The following METTL22 variants were observed in gnomAD, a reference collection of about 807,000 sequenced individuals.
METTL22 encodes the protein methyltransferase-like protein 22.
Under a neutral mutation model 48.4 loss-of-function variants are expected in METTL22, and 51 were observed. That is an observed-to-expected ratio of 1.05 (90% CI 0.84 to 1.33). METTL22 has a LOEUF of 1.33. METTL22 is among the 40% of genes most tolerant of loss of function. METTL22 has a pLI of 0.00. For missense variants in METTL22, 678 were observed against 526.9 expected (o/e 1.29, Z -2.81); for synonymous variants, 255 against 214.1 (o/e 1.19, Z -1.67).
In METTL22 at chr16:8,628,999, A is replaced by G; in HGVS notation, c.403A>G (p.Asn135Asp). The G allele has an allele frequency of 6.2e-7, 1 of 1,614,138 alleles. No homozygotes were observed. Among genetic ancestry groups the G allele is most frequent in the Non-Finnish European group, 8.5e-7 (1 of 1,180,038 alleles). ...VRRPRAASDS[N>D]PAGPLRDKVH... Reference sequence around the variant, plus strand: ...AAGACCACGAGCCGCCTCTGATTCCAACCCAGCAGGGCCTCTGAGAGACAA... The same window carrying G: ...AAGACCACGAGCCGCCTCTGATTCCGACCCAGCAGGGCCTCTGAGAGACAA... Residue 135 changes from asparagine (N) to aspartate (D), a missense_variant, in exon 3 of 11, where the codon AAC (asparagine) becomes GAC (aspartate). Coordinates refer to ENST00000381920, the MANE Select transcript of METTL22 (RefSeq NM_024109.4).
At chr16:8,631,468 C>T (rs8043620) in intron 3 of METTL22, 150,387 of 152,300 alleles carry the variant, frequency 0.99, 74,283 homozygotes, top group Middle Eastern at 1. Flanking sequence ...AGTTCAGTTT[C>T]CTTGTCTGTA....
At chr16:8,626,518 G>A (rs528096737) in intron 2 of METTL22, among the ~76,000 whole-genome samples, 28 of 147,908 alleles carry the variant, frequency 1.9e-4, no homozygotes, top group African/African-American at 2.8e-4. Context: ...GCGCGACCTC[G>A]GCTCACTGCA....
intron 3 of METTL22, chr16:8,632,007 G>A (rs1008626333): frequency 3.3e-5 from 5 of 152,248 alleles, no homozygotes. Context: ...ATCCTGATGA[G>A]TCATGAAGAA....
intron 10 of METTL22, 22 bp downstream of exon 10, chr16:8,644,747 G>A: frequency 9.8e-6 from 15 of 1,535,326 alleles, no homozygotes; most frequent in Non-Finnish European, 1.3e-5. Context: ...CCCCGAAGCA[G>A]GGCCGTTGGT....
At chr16:8,627,904 A>T (rs1481692232) in intron 2 of METTL22, among the ~76,000 whole-genome samples, 1 of 152,054 alleles carries the variant, frequency 6.6e-6, no homozygotes, top group African/African-American at 2.4e-5. Context: ...ATGCCACCAT[A>T]CCTGGATAAT....
chr16:8,657,820 C>CTTTTTTTTTTTTTTTTTTTTTT, the METTL22 span, among the ~76,000 whole-genome samples: 81 of 137,306 alleles, frequency 5.9e-4, 6 homozygotes, highest in Middle Eastern at 3.9e-3. Flanking sequence ...CTTTTCTTTT[C>CTTTTTTTTTTTTTTTTTTTTTT]TTTCTTTTTT....
rs1442198599 is a variant in METTL22 at position 8,635,237 on chromosome 16, G to A, written c.625G>A (p.Ala209Thr). Reference sequence around the variant, plus strand: ...ACAGGACCTCTTCCGAGGATGTACAGCGCTGGAGCTCGGGGCCGGCACGGG... The same window carrying A: ...ACAGGACCTCTTCCGAGGATGTACAACGCTGGAGCTCGGGGCCGGCACGGG... Reference protein sequence around the residue: ...FRQDLFRGCTALELGAGTGLA... With the variant: ...FRQDLFRGCTTLELGAGTGLA... The change falls in exon 5 of 11, where the codon GCG becomes ACG. Residue 209 changes from alanine to threonine, a missense_variant. Transcript: ENST00000381920. The A allele has an allele frequency of 3.7e-6, 6 of 1,610,432 alleles. No individual in the cohort carries two copies. In the African/African-American group the frequency reaches 4.0e-5, roughly 11 times the overall value.
chr16:8,643,605 G>A (rs2056690434), intron 9 of METTL22, among the ~76,000 whole-genome samples: 1 of 152,112 alleles, frequency 6.6e-6, no homozygotes, highest in Non-Finnish European at 1.5e-5. Flanking sequence ...GGGTTCATTA[G>A]ACAGTTTTGT....
chr16:8,648,387 G>A lies in METTL22; in HGVS notation c.*2244G>A, dbSNP rs2056841228. On this transcript the variant is annotated 3_prime_UTR_variant, in exon 11 of 11. Coordinates refer to ENST00000381920, the MANE Select transcript of METTL22 (RefSeq NM_024109.4). ...TCATGCCTGTCATCCCAGCACTTTG[G>A]GAGGCCGAGGCGGGTGGATCACCCA... 6.6e-6 allele frequency: 1 copy of A among 152,214 alleles called. No homozygotes were observed. Among genetic ancestry groups the A allele is most frequent in the Non-Finnish European group, 1.5e-5 (1 of 68,156 alleles). 9.4% of individuals were successfully genotyped at this position (152,214 alleles called of 1,614,324 possible).
chr16:8,635,825 G>A (rs2056406815), intron 5 of METTL22, among the ~76,000 whole-genome samples: 1 of 152,214 alleles, frequency 6.6e-6, no homozygotes, highest in Non-Finnish European at 1.5e-5. Context: ...AGGAGGCCCT[G>A]CGGTGAATGG....
At chr16:8,654,902 C>G in the METTL22 span, among the ~76,000 whole-genome samples, 2 of 152,148 alleles carry the variant, frequency 1.3e-5, no homozygotes, top group Non-Finnish European at 2.9e-5. Context: ...AAGTTTTATC[C>G]ATGTTTCTAG....
At chr16:8,639,186 C>T in intron 6 of METTL22, 24 bp downstream of exon 6, 2 of 1,612,620 alleles carry the variant, frequency 1.2e-6, no homozygotes, top group Non-Finnish European at 1.7e-6. Flanking sequence ...GGTCTTCTGC[C>T]AGGGAGGGAG....
At chr16:8,646,027 G>GCTCCGTGGCTGACGTGTT in intron 10 of METTL22, 81 bp from the exon 11 acceptor site, 3 of 1,586,910 alleles carry the variant, frequency 1.9e-6, no homozygotes, top group Non-Finnish European at 2.6e-6. Flanking sequence ...TACTCTCCTT[G>GCTCCGTGGCTGACGTGTT]GTGAATCACT....
At position 8,649,258 on chromosome 16, in the gene METTL22, G is replaced by T. The variant is rs190486697; in HGVS notation, c.*3115G>T. 6.6e-6 allele frequency: 1 copy of T among 152,278 alleles called. No homozygotes were observed. The highest frequency in any genetic ancestry group is 2.4e-5 in the African/African-American group (1 of 41,558). The allele number at this position is 152,278 out of a possible 1,614,324, so 9.4% of individuals were successfully genotyped here. A position where few individuals can be genotyped will look rare whatever the true frequency, so the allele number is the denominator to read the frequency against. On this transcript the variant is annotated 3_prime_UTR_variant, in exon 11 of 11. Transcript: ENST00000381920. ...TTGATCCACTGTAATTCAAAGTATC[G>T]TCAGATTTTCATTTCCCAGAGTGGG...
intron 2 of METTL22, among the ~76,000 whole-genome samples, chr16:8,626,446 CTTTT>C (rs3057578): frequency 9.3e-5 from 12 of 129,486 alleles, no homozygotes; most frequent in African/African-American, 9.1e-5. Context: ...GTCCTCTGCT[CTTTT>C]TTTTTTTTTT....
chr16:8,644,880 A>T (rs1044078115), intron 10 of METTL22, 155 bp downstream of exon 10: 3 of 760,850 alleles, frequency 3.9e-6, no homozygotes, highest in Non-Finnish European at 5.9e-6. Flanking sequence ...CTGTAGTGGA[A>T]CCTGTTGGGG....
chr16:8,660,806 GA>G, the METTL22 span, among the ~76,000 whole-genome samples: 9 of 6,166 alleles, frequency 1.5e-3, no homozygotes, highest in African/African-American at 2.8e-3. Flanking sequence ...GGAGGAGGAG[GA>G]GGAGGAGGAG....
chr16:8,631,362 G>C (rs556912937), intron 3 of METTL22: 2 of 152,298 alleles, frequency 1.3e-5, no homozygotes, highest in African/African-American at 4.8e-5. Context: ...GAGACCCCAA[G>C]AGAACTCGAG....
At chr16:8,632,658 C>T (rs1191544987) in intron 3 of METTL22, among the ~76,000 whole-genome samples, 1 of 152,204 alleles carries the variant, frequency 6.6e-6, no homozygotes, top group African/African-American at 2.4e-5. Flanking sequence ...CGAGCCTGTG[C>T]TCTCTCAGAA....
Sources: allele counts gnomAD v4.1 joint callset (sites outside exome capture counted in the v4.1 genomes callset), GRCh38; gene constraint gnomAD v4.1.1; transcripts MANE v1.5; gene names NCBI Gene and HGNC (gene_info 2026-07-23, HGNC 2026-07-21).